Variants in SCARA3 observed in about 807,000 individuals in gnomAD.
SCARA3 encodes the protein cellular stress response gene protein.
SCARA3 carries 39 observed loss-of-function variants against 47.0 expected under a neutral mutation model. The ratio of observed to expected loss-of-function variants is 0.83; its 90% CI spans 0.64 to 1.08. The LOEUF (loss-of-function observed/expected upper bound fraction) is 1.08, where lower values mean the gene tolerates loss of function less well. Among genes scored for constraint, SCARA3 ranks in the 50% least tolerant of loss-of-function variants. SCARA3 has a pLI of 0.00. For missense variants in SCARA3, 724 were observed against 792.3 expected, an observed-to-expected ratio of 0.91 and a Z score of 1.04; for synonymous variants, 356 against 334.1, an observed-to-expected ratio of 1.07 and a Z score of -0.71.
the SCARA3 span, among the ~76,000 whole-genome samples, chr8:27,703,970 A>AG: frequency 6.8e-6 from 1 of 146,544 alleles, no homozygotes; most frequent in African/African-American, 2.5e-5. Context: ...AAGCAGGATG[A>AG]GGGGCTGGCA....
the SCARA3 span, among the ~76,000 whole-genome samples, chr8:27,723,908 G>A: frequency 1.3e-5 from 2 of 152,130 alleles, no homozygotes; most frequent in Admixed American, 1.3e-4. Flanking sequence ...GCTAATTTTT[G>A]TATTTTTAGT....
downstream of SCARA3, among the ~76,000 whole-genome samples, chr8:27,680,883 T>TAA (rs149540053): frequency 6.1e-3 from 926 of 152,278 alleles, 21 homozygotes; most frequent in African/African-American, 0.021. Context: ...TGTACAGAGT[T>TAA]AAGGAGAAAA....
the SCARA3 span, among the ~76,000 whole-genome samples, chr8:27,705,982 A>G: frequency 6.6e-6 from 1 of 152,140 alleles, no homozygotes; most frequent in African/African-American, 2.4e-5. Context: ...CAATGTGTGC[A>G]CAGAGCTGGT....
At chr8:27,637,089 G>A (rs1239755560) in intron 1 of SCARA3, among the ~76,000 whole-genome samples, 6 of 152,236 alleles carry the variant, frequency 3.9e-5, no homozygotes, top group African/African-American at 1.4e-4. Flanking sequence ...ATGGAGAACC[G>A]GTGATGGTGG....
At chr8:27,681,494 C>T (rs1233952982), downstream of SCARA3, among the ~76,000 whole-genome samples, 1 of 152,140 alleles carries the variant, frequency 6.6e-6, no homozygotes, top group East Asian at 1.9e-4. Context: ...AAAGCTGAGG[C>T]AGGAGGCTCA....
intron 1 of SCARA3, among the ~76,000 whole-genome samples, chr8:27,642,500 A>T (rs1204276403): frequency 6.6e-6 from 1 of 152,168 alleles, no homozygotes; most frequent in Non-Finnish European, 1.5e-5. Flanking sequence ...GATTTGCAGG[A>T]TCAGGGGTGA....
chr8:27,651,962 G>A (rs1015453850), intron 3 of SCARA3, among the ~76,000 whole-genome samples: 1 of 152,166 alleles, frequency 6.6e-6, no homozygotes, highest in Non-Finnish European at 1.5e-5. Flanking sequence ...GCCCCACCCC[G>A]ATCGTGGAAT....
chr8:27,669,916 G>A (rs567934032), intron 5 of SCARA3, among the ~76,000 whole-genome samples: 4 of 152,286 alleles, frequency 2.6e-5, no homozygotes, highest in South Asian at 2.1e-4. Flanking sequence ...CCAGCTCCCA[G>A]CATGCAGAAT....
chr8:27,647,921 G>C (rs759992913), intron 1 of SCARA3, among the ~76,000 whole-genome samples: 62 of 152,294 alleles, frequency 4.1e-4, no homozygotes, highest in Middle Eastern at 6.8e-3. Context: ...CACAATGGCC[G>C]TGGCATGGCA....
chr8:27,730,712 A>G, the SCARA3 span, among the ~76,000 whole-genome samples: 10 of 151,748 alleles, frequency 6.6e-5, no homozygotes, highest in African/African-American at 2.4e-4. Context: ...CTGGTCTTGA[A>G]TTCCTGGACT....
At chr8:27,674,307 T>C (rs1046252350), downstream of SCARA3, among the ~76,000 whole-genome samples, 7 of 152,204 alleles carry the variant, frequency 4.6e-5, no homozygotes, top group Admixed American at 2.0e-4. Context: ...GAGTGGGTGA[T>C]TGAGTGAGTT....
intron 4 of SCARA3, among the ~76,000 whole-genome samples, chr8:27,658,028 T>A (rs1563408095): frequency 6.6e-6 from 1 of 152,230 alleles, no homozygotes; most frequent in Non-Finnish European, 1.5e-5. Flanking sequence ...AGTGGTCTTA[T>A]CTGACGCAAA....
chr8:27,689,984 AT>A, the SCARA3 span, among the ~76,000 whole-genome samples: 1 of 152,096 alleles, frequency 6.6e-6, no homozygotes, highest in Non-Finnish European at 1.5e-5. Context: ...TACAATAAAG[AT>A]TTTTTTAAAC....
the SCARA3 span, among the ~76,000 whole-genome samples, chr8:27,729,530 C>A: frequency 6.6e-6 from 1 of 152,192 alleles, no homozygotes; most frequent in Non-Finnish European, 1.5e-5. Flanking sequence ...GTGGCTCACC[C>A]CTGTAATCCC....
At chr8:27,732,764 C>A in the SCARA3 span, among the ~76,000 whole-genome samples, 1 of 152,192 alleles carries the variant, frequency 6.6e-6, no homozygotes, top group Non-Finnish European at 1.5e-5. Flanking sequence ...ACTAGAAATG[C>A]AAACCAAATG....
the SCARA3 span, among the ~76,000 whole-genome samples, chr8:27,704,857 G>A: frequency 6.6e-6 from 1 of 152,178 alleles, no homozygotes; most frequent in Admixed American, 6.5e-5. Context: ...TCTCTGGAGG[G>A]AGGCTGAGCT....
chr8:27,726,011 C>G, the SCARA3 span, among the ~76,000 whole-genome samples: 1 of 152,328 alleles, frequency 6.6e-6, no homozygotes, highest in South Asian at 2.1e-4. Context: ...TCTCTGGATG[C>G]ATTCATGCCC....
chr8:27,724,281 C>G, the SCARA3 span, among the ~76,000 whole-genome samples: 1 of 152,122 alleles, frequency 6.6e-6, no homozygotes, highest in African/African-American at 2.4e-5. Context: ...TATATTTTAT[C>G]TGGCTCTAAA....
intron 4 of SCARA3, among the ~76,000 whole-genome samples, chr8:27,657,459 G>T (rs1801766704): frequency 7.0e-6 from 1 of 142,066 alleles, no homozygotes; most frequent in Non-Finnish European, 1.5e-5. Context: ...TGGTTTTTCA[G>T]CCCATAACCC....
Sources: gnomAD v4.1 joint callset for allele counts (sites outside exome capture counted in the v4.1 genomes callset) on GRCh38, gnomAD v4.1.1 for gene constraint, MANE v1.5 for transcripts, NCBI Gene and HGNC (gene_info 2026-07-23, HGNC 2026-07-21) for gene names.